Variants in CCDC187 observed in about 807,000 individuals in gnomAD.
CCDC187 encodes the protein coiled-coil domain-containing protein 187.
CCDC187 carries 32 observed loss-of-function variants against 38.0 expected under a neutral mutation model. That is an observed-to-expected ratio of 0.84 (90% CI 0.64 to 1.13). The LOEUF (loss-of-function observed/expected upper bound fraction) is 1.13, where lower values mean the gene tolerates loss of function less well. CCDC187 is among the 50% of genes most tolerant of loss of function. The probability of loss-of-function intolerance (pLI) is 0.00; values close to 1 mark genes in which losing one functional copy is unlikely to be tolerated. For synonymous variants in CCDC187, 333 were observed against 347.9 expected (o/e 0.96, Z 0.48); for missense variants, 707 against 786.8 (o/e 0.90, Z 1.21).
chr9:136,285,459 G>A, intron 9 of CCDC187, 54 bp downstream of exon 9: 1 of 36,524 alleles, frequency 2.7e-5, no homozygotes, highest in Non-Finnish European at 5.8e-5. Flanking sequence ...GGGCAGGTGG[G>A]CAGGCGGGCA....
At chr9:136,293,422 TACTCTCACATGCTCACAC>T (rs1388825810) in intron 4 of CCDC187, among the ~76,000 whole-genome samples, 1 of 34,442 alleles carries the variant, frequency 2.9e-5, no homozygotes, top group Non-Finnish European at 6.3e-5. Flanking sequence ...CATGCTCACA[TACTCTCACATGCTCACAC>T]ACTCACACAT....
intron 3 of CCDC187, among the ~76,000 whole-genome samples, chr9:136,298,596 C>T (rs1187803200): frequency 6.6e-6 from 1 of 152,238 alleles, no homozygotes; most frequent in East Asian, 1.9e-4. Context: ...GGCCCAAAGG[C>T]GTCTGGGCCT....
rs555989044 is a variant in CCDC187, at chr9:136,251,305, C to G, written c.*2289G>C. On this transcript the variant is annotated 3_prime_UTR_variant, in exon 26 of 26. Coordinates refer to ENST00000638797, the MANE Select transcript of CCDC187 (RefSeq NM_001378188.1). Reference sequence around the variant, plus strand: ...AGCTGCCCTGGCCTTCCAGGCACAGCAAGTCCTGAGCATGCTCCAGAAGAG... The same window carrying G: ...AGCTGCCCTGGCCTTCCAGGCACAGGAAGTCCTGAGCATGCTCCAGAAGAG... The G allele has an allele frequency of 6.0e-6, 2 of 334,132 alleles. No individual in the cohort carries two copies. The highest frequency in any genetic ancestry group is 7.8e-5 in the East Asian group (1 of 12,870). The allele number at this position is 334,132 out of a possible 1,614,324, so 20.7% of individuals were successfully genotyped here. A position where few individuals can be genotyped will look rare whatever the true frequency, so the allele number is the denominator to read the frequency against.
chr9:136,293,453 T>TCACACACGCTCA (rs1246784095), intron 4 of CCDC187, among the ~76,000 whole-genome samples: 1 of 102,944 alleles, frequency 9.7e-6, no homozygotes, highest in East Asian at 3.8e-4. Context: ...TCACACATGC[T>TCACACACGCTCA]CACACTCACA....
rs1337190293 is a variant in CCDC187, at chr9:136,251,467, T to G, written c.*2127A>C. On this transcript the variant is annotated 3_prime_UTR_variant, in exon 26 of 26. Coordinates refer to ENST00000638797, the MANE Select transcript of CCDC187 (RefSeq NM_001378188.1). ...GACATCCATGCCCAGTCCACCCAGC[T>G]GCACGTCATGTGCCGGCAGTTTGGG... The G allele has an allele frequency of 5.9e-6, 1 of 168,380 alleles. No individual in the cohort carries two copies. The highest frequency in any genetic ancestry group is 1.3e-5 in the Non-Finnish European group (1 of 76,042). 10.4% of individuals were successfully genotyped at this position (168,380 alleles called of 1,614,324 possible). A position where few individuals can be genotyped will look rare whatever the true frequency, so the allele number is the denominator to read the frequency against.
chr9:136,288,458 G>C (rs1211265388), intron 7 of CCDC187, among the ~76,000 whole-genome samples: 5 of 152,170 alleles, frequency 3.3e-5, no homozygotes, highest in African/African-American at 1.2e-4. Context: ...CGCTCTGGTG[G>C]GTGGGAGCCC....
At chr9:136,255,411 T>C (rs1311135455) in intron 25 of CCDC187, among the ~76,000 whole-genome samples, 2 of 152,218 alleles carry the variant, frequency 1.3e-5, no homozygotes, top group African/African-American at 4.8e-5. Context: ...ACTGACTGGT[T>C]GGCTCTGCCT....
intron 4 of CCDC187, among the ~76,000 whole-genome samples, chr9:136,293,499 ACACT>A (rs1306102486): frequency 4.6e-4 from 60 of 131,164 alleles, no homozygotes; most frequent in African/African-American, 1.3e-3. Flanking sequence ...ACATGCTCAC[ACACT>A]CACAAACACA....
intron 11 of CCDC187, 134 bp downstream of exon 11, chr9:136,276,517 C>G (rs1212668649): frequency 2.6e-5 from 4 of 152,198 alleles, no homozygotes; most frequent in African/African-American, 7.2e-5. Flanking sequence ...CTCCCTCTCA[C>G]CCGGCCACTC....
intron 4 of CCDC187, among the ~76,000 whole-genome samples, chr9:136,294,718 A>G (rs1831492467): frequency 6.6e-6 from 1 of 152,078 alleles, no homozygotes; most frequent in African/African-American, 2.4e-5. Context: ...ACATGGTTGC[A>G]CCCACCAGGC....
chr9:136,281,734 G>A (rs971368613), intron 9 of CCDC187, 71 bp from the exon 10 acceptor site: 6 of 398,376 alleles, frequency 1.5e-5, no homozygotes, highest in Non-Finnish European at 2.7e-5. Context: ...AGATCCGGGG[G>A]ACAGCCCCTC....
intron 3 of CCDC187, among the ~76,000 whole-genome samples, chr9:136,299,718 G>A (rs1831627229): frequency 6.6e-6 from 1 of 152,136 alleles, no homozygotes; most frequent in African/African-American, 2.4e-5. Context: ...GCAAAAACCT[G>A]GTGGGGCCCT....
chr9:136,270,144 C>T (rs1002937214), intron 14 of CCDC187, among the ~76,000 whole-genome samples: 2 of 152,340 alleles, frequency 1.3e-5, no homozygotes, highest in South Asian at 2.1e-4. Context: ...TCCAGCCCTA[C>T]GGGGCTTAGC....
chr9:136,277,618 G>C (rs1368702098), intron 10 of CCDC187, among the ~76,000 whole-genome samples: 1 of 152,102 alleles, frequency 6.6e-6, no homozygotes, highest in Non-Finnish European at 1.5e-5. Context: ...GAAAACCTCA[G>C]CCTCTTCCTT....
chr9:136,254,916 T>A lies in CCDC187; in HGVS notation c.4912A>T (p.Thr1638Ser), dbSNP rs751354597. The change falls in exon 26 of 26, where the codon ACC becomes TCC. Residue 1638 changes from threonine to serine, a missense_variant. Thr to Ser is a moderately conservative substitution (Grantham distance 58). Coordinates refer to ENST00000638797, the MANE Select transcript of CCDC187 (RefSeq NM_001378188.1). ...SLWEFQKAAA[T>S]LIQLSGSSSS... is the part of the protein sequence containing the mutation. ...GAGCTCCCAGAAAGCTGGATCAGGG[T>A]AGCCGCTGCTTTCTGGAACTCCCAG... 30 of 985,472 alleles carry A rather than the reference T, an allele frequency of 3.0e-5. No homozygotes were observed. The highest frequency in any genetic ancestry group is 3.6e-5 in the Non-Finnish European group (30 of 829,962). The allele number at this position is 985,472 out of a possible 1,614,324, so 61.0% of individuals were successfully genotyped here. A position where few individuals can be genotyped will look rare whatever the true frequency, so the allele number is the denominator to read the frequency against.
chr9:136,286,261 GGGCAGGCTGGGGT>G lies in CCDC187; in HGVS notation c.2644_2656del (p.Thr882LeufsTer17). On this transcript the variant is annotated frameshift_variant, in exon 8 of 26. Coordinates refer to ENST00000638797, the MANE Select transcript of CCDC187 (RefSeq NM_001378188.1). LOFTEE classifies it high-confidence loss of function. ...GCCCCAGTTGGGCCCCAAGGCTCCA[GGGCAGGCTGGGGT>G]GGCAAGCGTGGGGGTGGCGAGCGTG... 2.5e-6 allele frequency: 1 copy of G among 398,652 alleles called. No individual in the cohort carries two copies. Among genetic ancestry groups the G allele is most frequent in the Non-Finnish European group, 4.4e-6 (1 of 226,062 alleles). 24.7% of individuals were successfully genotyped at this position (398,652 alleles called of 1,614,324 possible).
chr9:136,258,881 G>A lies in CCDC187; in HGVS notation c.4366+51C>T, dbSNP rs926990682. ...CTCGGACAGGCTCTGCTGGATGTGG[G>A]GGAAGTGTCTGGCGCCGTGGAGGCC... On this transcript the variant is annotated intron_variant, in intron 22 of 25. Coordinates refer to ENST00000638797, the MANE Select transcript of CCDC187 (RefSeq NM_001378188.1). This position sits in a 1 kb window ranked among gnomAD's most constrained non-coding sequence, Gnocchi z 4.3. 6 of 985,472 alleles carry A rather than the reference G, an allele frequency of 6.1e-6. No individual in the cohort carries two copies. The African/African-American group carries it at 8.7e-5, about 14-fold the overall frequency. 61.0% of individuals were successfully genotyped at this position (985,472 alleles called of 1,614,324 possible).
rs1187603977 is a variant in CCDC187 at position 136,264,629 on chromosome 9, A to G, written c.3736-831T>C. Among the ~76,000 whole-genome samples, 1 of 151,976 alleles carries G rather than the reference A, an allele frequency of 6.6e-6. No homozygotes were observed. The highest frequency in any genetic ancestry group is 6.6e-5 in the Admixed American group (1 of 15,258). The stretch of plus-strand genomic sequence containing the variant: ...TGTAATGCCCCATGCCTGACACCCC[A>G]GGTCGTAGTATGTACAGGGCATCCA... On this transcript the variant is annotated intron_variant, in intron 17 of 25. Coordinates refer to ENST00000638797, the MANE Select transcript of CCDC187 (RefSeq NM_001378188.1). This position sits in a 1 kb window ranked among gnomAD's most constrained non-coding sequence, Gnocchi z 4.3.
chr9:136,301,648 G>T (rs936703425), intron 2 of CCDC187, among the ~76,000 whole-genome samples: 3 of 147,570 alleles, frequency 2.0e-5, no homozygotes, highest in Non-Finnish European at 4.4e-5. Context: ...GTGCAGTGGC[G>T]CAATCTCGAC....
Sources: allele counts gnomAD v4.1 joint callset (sites outside exome capture counted in the v4.1 genomes callset), GRCh38; gene constraint gnomAD v4.1.1; non-coding constraint Gnocchi (gnomAD v3.1); transcripts MANE v1.5; gene names NCBI Gene and HGNC (gene_info 2026-07-23, HGNC 2026-07-21).